The following TENM3 variants were observed in gnomAD, a reference collection of about 807,000 sequenced individuals.
The protein encoded by TENM3 is teneurin-3.
In TENM3, 63 loss-of-function variants were observed where a neutral mutation model predicts 255.1. The ratio of observed to expected loss-of-function variants is 0.25; its 90% CI spans 0.20 to 0.30. TENM3 has a LOEUF of 0.30. Among genes scored for constraint, TENM3 ranks in the 10% least tolerant of loss-of-function variants. The pLI is 1.00. For synonymous variants in TENM3, 1,306 were observed against 1,322.3 expected, an observed-to-expected ratio of 0.99 and a Z score of 0.27; for missense variants, 2,929 against 3,461.1, an observed-to-expected ratio of 0.85 and a Z score of 3.86.
chr4:181,668,045 C>G, the TENM3 span, among the ~76,000 whole-genome samples: 1 of 152,118 alleles, frequency 6.6e-6, no homozygotes, highest in Non-Finnish European at 1.5e-5. Context: ...ACCATGAAGG[C>G]AAGAATTTTT....
the TENM3 span, among the ~76,000 whole-genome samples, chr4:182,042,882 T>TGTGC: frequency 1.6e-3 from 1 of 608 alleles, no homozygotes; most frequent in South Asian, 0.029. Context: ...CGTGTGTGCG[T>TGTGC]GTGTGTGTGT....
At chr4:182,140,140 G>C (rs187545517), upstream of TENM3, among the ~76,000 whole-genome samples, 13 of 152,324 alleles carry the variant, frequency 8.5e-5, no homozygotes, top group African/African-American at 2.9e-4. Context: ...GTCTACTTGA[G>C]AGACTTCCAT....
At chr4:181,933,603 A>G in the TENM3 span, among the ~76,000 whole-genome samples, 1 of 152,206 alleles carries the variant, frequency 6.6e-6, no homozygotes, top group Non-Finnish European at 1.5e-5. Context: ...TCTATCTAGC[A>G]TCTTCCATTA....
intron 1 of TENM3, among the ~76,000 whole-genome samples, chr4:182,315,152 G>A (rs549079867): frequency 2.0e-5 from 3 of 152,250 alleles, no homozygotes; most frequent in African/African-American, 7.2e-5. Flanking sequence ...TGATTGCTTA[G>A]TTATCTATAT....
At chr4:182,768,122 A>C (rs1472244509) in intron 22 of TENM3, among the ~76,000 whole-genome samples, 1 of 152,166 alleles carries the variant, frequency 6.6e-6, no homozygotes, top group South Asian at 2.1e-4. Context: ...TCACTCCGCA[A>C]AAGAGCCCAC....
the TENM3 span, among the ~76,000 whole-genome samples, chr4:181,807,441 C>T: frequency 6.6e-6 from 1 of 152,200 alleles, no homozygotes; most frequent in Non-Finnish European, 1.5e-5. Flanking sequence ...GCAACCTCCG[C>T]CTCCCGGGTT....
At chr4:182,646,251 A>T (rs1466554990) in intron 5 of TENM3, among the ~76,000 whole-genome samples, 1 of 152,234 alleles carries the variant, frequency 6.6e-6, no homozygotes, top group Non-Finnish European at 1.5e-5. Flanking sequence ...AGGAGAACTT[A>T]GTTATTTGTG....
At chr4:182,667,340 G>A (rs1042563526) in intron 6 of TENM3, among the ~76,000 whole-genome samples, 6 of 151,870 alleles carry the variant, frequency 4.0e-5, no homozygotes, top group African/African-American at 7.3e-5. Context: ...ACAGGCGCCC[G>A]CCACCACACC....
At chr4:181,747,538 T>C in the TENM3 span, among the ~76,000 whole-genome samples, 2 of 152,128 alleles carry the variant, frequency 1.3e-5, no homozygotes, top group African/African-American at 4.8e-5. Flanking sequence ...TTTGCCCACT[T>C]TTCTATTGTG....
the TENM3 span, among the ~76,000 whole-genome samples, chr4:181,565,524 G>A: frequency 6.6e-6 from 1 of 152,184 alleles, no homozygotes; most frequent in Non-Finnish European, 1.5e-5. Context: ...GAAGTGCAAT[G>A]GCGAAGTATG....
the TENM3 span, among the ~76,000 whole-genome samples, chr4:181,589,281 A>T: frequency 6.6e-6 from 1 of 152,178 alleles, no homozygotes; most frequent in Non-Finnish European, 1.5e-5. Flanking sequence ...TATTTTTATC[A>T]TGAACTGTTC....
chr4:181,507,097 C>A, the TENM3 span, among the ~76,000 whole-genome samples: 1 of 152,126 alleles, frequency 6.6e-6, no homozygotes, highest in East Asian at 1.9e-4. Flanking sequence ...TTTTGGTATC[C>A]GTACCTGATC....
At chr4:182,177,562 G>GA (rs1196744939) in intron 1 of TENM3, among the ~76,000 whole-genome samples, 5 of 148,608 alleles carry the variant, frequency 3.4e-5, no homozygotes, top group South Asian at 4.2e-4. Flanking sequence ...TTATTGAAAT[G>GA]AAAAAAAATT....
the TENM3 span, among the ~76,000 whole-genome samples, chr4:181,876,203 G>T: frequency 2.0e-5 from 3 of 152,206 alleles, no homozygotes; most frequent in Admixed American, 2.0e-4. Context: ...ATATCATATT[G>T]AGGATAGTAA....
At chr4:182,411,835 T>C (rs1770008760) in intron 3 of TENM3, among the ~76,000 whole-genome samples, 1 of 152,236 alleles carries the variant, frequency 6.6e-6, no homozygotes, top group South Asian at 2.1e-4. Flanking sequence ...GCTTCTTCCT[T>C]GGTTCTAAGT....
At chr4:182,107,151 TACACAC>T in the TENM3 span, among the ~76,000 whole-genome samples, 8,062 of 145,878 alleles carry the variant, frequency 0.055, 414 homozygotes, top group African/African-American at 0.14. Context: ...AAACAGAACA[TACACAC>T]ACACACACAC....
the TENM3 span, among the ~76,000 whole-genome samples, chr4:181,505,828 C>T: frequency 6.6e-6 from 1 of 152,178 alleles, no homozygotes; most frequent in Non-Finnish European, 1.5e-5. Flanking sequence ...TGCTTAAAAA[C>T]ATCAGCTATC....
At chr4:182,603,765 T>TTATATATATATATATATATATATATATA (rs760690038) in intron 4 of TENM3, among the ~76,000 whole-genome samples, 7 of 95,560 alleles carry the variant, frequency 7.3e-5, no homozygotes, top group African/African-American at 2.0e-4. Context: ...TGGCAATTAT[T>TTATATATATATATATATATATATATATA]TATATATATA....
intron 22 of TENM3, among the ~76,000 whole-genome samples, chr4:182,763,350 C>A (rs13112991): frequency 0.17 from 25,600 of 152,072 alleles, 2,854 homozygotes; most frequent in East Asian, 0.49. Context: ...CGGATCACGA[C>A]GTCAGGAGAT....
Sources: gnomAD v4.1 joint callset for allele counts (sites outside exome capture counted in the v4.1 genomes callset) on GRCh38, gnomAD v4.1.1 for gene constraint, MANE v1.5 for transcripts, NCBI Gene and HGNC (gene_info 2026-07-23, HGNC 2026-07-21) for gene names.